The following ULK4 variants were observed in gnomAD, a reference collection of about 807,000 sequenced individuals.
The protein encoded by ULK4 is unc-51 like kinase 4.
In ULK4, 133 loss-of-function variants were observed where a neutral mutation model predicts 160.6. The ratio of observed to expected loss-of-function variants is 0.83; its 90% CI spans 0.72 to 0.96. ULK4 has a LOEUF of 0.96. ULK4 is among the 40% of genes least tolerant of loss of function. ULK4 has a pLI of 0.00. For missense variants in ULK4, 1,580 were observed against 1,499.5 expected, an observed-to-expected ratio of 1.05 and a Z score of -0.89; for synonymous variants, 534 against 539.8, an observed-to-expected ratio of 0.99 and a Z score of 0.15.
At chr3:41,959,005 G>T (rs1247785865) in intron 1 of ULK4, among the ~76,000 whole-genome samples, 1 of 152,076 alleles carries the variant, frequency 6.6e-6, no homozygotes, top group Non-Finnish European at 1.5e-5. Context: ...AGGCAGGTAG[G>T]TCACCTGAAG....
chr3:41,248,858 C>A (rs2078692408), intron 36 of ULK4, among the ~76,000 whole-genome samples: 1 of 152,200 alleles, frequency 6.6e-6, no homozygotes, highest in Admixed American at 6.5e-5. Context: ...GGGTGATAGG[C>A]CTATCTCCGG....
At chr3:41,748,368 C>T (rs1177780477) in intron 22 of ULK4, among the ~76,000 whole-genome samples, 1 of 151,508 alleles carries the variant, frequency 6.6e-6, no homozygotes, top group Non-Finnish European at 1.5e-5. Flanking sequence ...TTAACACTGA[C>T]AAGAAGAACA....
intron 35 of ULK4, among the ~76,000 whole-genome samples, chr3:41,331,412 C>T (rs9825390): frequency 0.16 from 24,591 of 152,122 alleles, 2,476 homozygotes; most frequent in African/African-American, 0.28. Context: ...TGTGCAATTA[C>T]AGAATAAAAC....
intron 34 of ULK4, among the ~76,000 whole-genome samples, chr3:41,437,029 T>A (rs998799608): frequency 3.3e-5 from 5 of 152,216 alleles, no homozygotes; most frequent in Non-Finnish European, 5.9e-5. Flanking sequence ...CTAAGTCATA[T>A]CTAGCTGCTT....
intron 35 of ULK4, among the ~76,000 whole-genome samples, chr3:41,367,708 CCT>C (rs980231793): frequency 6.6e-6 from 1 of 152,104 alleles, no homozygotes; most frequent in Non-Finnish European, 1.5e-5. Flanking sequence ...GATAACTTGC[CCT>C]GTTTATAGTG....
chr3:41,676,509 C>T (rs2035720265), intron 29 of ULK4, among the ~76,000 whole-genome samples: 3 of 151,914 alleles, frequency 2.0e-5, no homozygotes, highest in Non-Finnish European at 4.4e-5. Flanking sequence ...ATTATATAGA[C>T]CCAAAGTTTA....
At chr3:41,675,847 T>C (rs2035694922) in intron 29 of ULK4, among the ~76,000 whole-genome samples, 1 of 152,230 alleles carries the variant, frequency 6.6e-6, no homozygotes, top group African/African-American at 2.4e-5. Flanking sequence ...CACCAATGCC[T>C]TGATTTCAGA....
At chr3:41,716,596 C>T (rs894088434) in intron 23 of ULK4, among the ~76,000 whole-genome samples, 5 of 152,080 alleles carry the variant, frequency 3.3e-5, no homozygotes, top group African/African-American at 1.2e-4. Flanking sequence ...TGTCAGTTAG[C>T]CTTGAAGACA....
At chr3:41,285,587 G>A (rs531518754) in intron 35 of ULK4, among the ~76,000 whole-genome samples, 3 of 152,118 alleles carry the variant, frequency 2.0e-5, no homozygotes, top group Non-Finnish European at 4.4e-5. Context: ...TGGGGACTTG[G>A]GGGGAAGGGT....
chr3:41,677,719 G>A (rs549526218), intron 29 of ULK4, among the ~76,000 whole-genome samples: 101 of 152,090 alleles, frequency 6.6e-4, no homozygotes, highest in Middle Eastern at 3.4e-3. Context: ...AATAGTACGC[G>A]GTTCATTCAT....
At chr3:41,553,149 A>G (rs1012639479) in intron 32 of ULK4, among the ~76,000 whole-genome samples, 3 of 152,020 alleles carry the variant, frequency 2.0e-5, no homozygotes, top group Admixed American at 6.6e-5. Context: ...CCATAATATT[A>G]CTAGAAAAAA....
chr3:41,482,320 A>C (rs1326058510), intron 32 of ULK4, among the ~76,000 whole-genome samples: 1 of 152,196 alleles, frequency 6.6e-6, no homozygotes, highest in African/African-American at 2.4e-5. Context: ...CATCCTTCTG[A>C]GAAACACATT....
At chr3:41,932,640 A>G (rs944829216) in intron 4 of ULK4, among the ~76,000 whole-genome samples, 8 of 152,252 alleles carry the variant, frequency 5.3e-5, no homozygotes, top group Non-Finnish European at 1.2e-4. Context: ...ATTAGAATCT[A>G]TGGATTGTTG....
chr3:41,667,553 T>C (rs2035387382), intron 29 of ULK4, among the ~76,000 whole-genome samples: 1 of 152,212 alleles, frequency 6.6e-6, no homozygotes, highest in South Asian at 2.1e-4. Context: ...TGATGAGCCC[T>C]GACTCTTGAA....
At chr3:41,668,848 C>G (rs952049517) in intron 29 of ULK4, among the ~76,000 whole-genome samples, 1 of 151,962 alleles carries the variant, frequency 6.6e-6, no homozygotes, top group Non-Finnish European at 1.5e-5. Context: ...TTTAGCATAA[C>G]AAATGTAAAA....
intron 32 of ULK4, among the ~76,000 whole-genome samples, chr3:41,532,289 G>A (rs1181111859): frequency 6.6e-6 from 1 of 152,220 alleles, no homozygotes; most frequent in Admixed American, 6.5e-5. Flanking sequence ...GTATCTGCAT[G>A]GCTTGCTGCT....
chr3:41,773,752 C>T (rs534002784), intron 21 of ULK4, among the ~76,000 whole-genome samples: 13 of 152,118 alleles, frequency 8.5e-5, no homozygotes, highest in Admixed American at 4.6e-4. Flanking sequence ...AAAAAAGAGC[C>T]GGCATTGCCA....
At chr3:41,945,929 A>G (rs992214524) in intron 2 of ULK4, among the ~76,000 whole-genome samples, 11 of 152,166 alleles carry the variant, frequency 7.2e-5, no homozygotes, top group Admixed American at 2.6e-4. Context: ...TGTACTTTAA[A>G]TATGTATTCA....
At chr3:41,462,332 T>C (rs1314099633) in intron 33 of ULK4, among the ~76,000 whole-genome samples, 2 of 152,236 alleles carry the variant, frequency 1.3e-5, no homozygotes, top group African/African-American at 4.8e-5. Context: ...TCATTTGATA[T>C]ACATCTCTTG....
Sources: gnomAD v4.1 joint callset for allele counts (sites outside exome capture counted in the v4.1 genomes callset) on GRCh38, gnomAD v4.1.1 for gene constraint, MANE v1.5 for transcripts, NCBI Gene and HGNC (gene_info 2026-07-23, HGNC 2026-07-21) for gene names.